The following POLR3B variants were observed in gnomAD, a reference collection of about 807,000 sequenced individuals.
The protein encoded by POLR3B is RNA polymerase III subunit B.
In POLR3B, 96 loss-of-function variants were observed where a neutral mutation model predicts 147.4. The ratio of observed to expected loss-of-function variants is 0.65; its 90% confidence interval spans 0.55 to 0.77. The LOEUF is 0.77. Among genes scored for constraint, POLR3B ranks in the 30% least tolerant of loss-of-function variants. The probability of loss-of-function intolerance (pLI) is 0.00; values close to 1 mark genes in which losing one functional copy is unlikely to be tolerated. For missense variants in POLR3B, 1,036 were observed against 1,413.5 expected (o/e 0.73, Z 4.28); for synonymous variants, 461 against 485.9 (o/e 0.95, Z 0.67).
intron 11 of POLR3B, among the ~76,000 whole-genome samples, 175 bp downstream of exon 11, chr12:106,406,151 G>A (rs544676989): frequency 1.1e-4 from 17 of 152,218 alleles, no homozygotes; most frequent in African/African-American, 3.6e-4. Context: ...GTTTATACTC[G>A]GAGAATGTTA....
At chr12:106,500,162 A>C in intron 25 of POLR3B, 1 of 456,078 alleles carries the variant, frequency 2.2e-6, no homozygotes, top group Non-Finnish European at 4.4e-6. Flanking sequence ...ATTAAGTAGC[A>C]CATGGTAGTT....
chr12:106,504,039 T>A lies in POLR3B; in HGVS notation c.3099-42T>A. On this transcript the variant is annotated intron_variant, in intron 26 of 27. Coordinates refer to ENST00000228347, the MANE Select transcript of POLR3B (RefSeq NM_018082.6). This position sits in a 1 kb window ranked among gnomAD's most constrained non-coding sequence, Gnocchi z 4.6. ...ATGTGATGCTACCTCTTTGTTTGTT[T>A]AACAGAATAATAACACATTTGTCTA... The A allele has an allele frequency of 3.1e-6, 5 of 1,587,614 alleles. No individual in the cohort carries two copies. Among genetic ancestry groups the A allele is most frequent in the Non-Finnish European group, 4.3e-6 (5 of 1,155,816 alleles).
intron 4 of POLR3B, among the ~76,000 whole-genome samples, chr12:106,368,036 A>C: frequency 6.6e-6 from 1 of 151,974 alleles, no homozygotes; most frequent in East Asian, 1.9e-4. Context: ...TGGATGTTTT[A>C]TTTTATTCTA....
At chr12:106,437,009 AT>A (rs2037585638) in intron 16 of POLR3B, 47 bp from the exon 17 acceptor site, 4 of 1,454,882 alleles carry the variant, frequency 2.7e-6, no homozygotes, top group East Asian at 2.3e-5. Flanking sequence ...TGCCTGTGTA[AT>A]TTTTCCCTGG....
intron 16 of POLR3B, among the ~76,000 whole-genome samples, chr12:106,435,132 A>AT (rs71072676): frequency 0.01 from 1,501 of 145,276 alleles, 22 homozygotes; most frequent in African/African-American, 0.031. Flanking sequence ...CCATTAAATT[A>AT]TTTTTTTTTT....
intron 2 of POLR3B, among the ~76,000 whole-genome samples, chr12:106,365,090 G>A (rs916197640): frequency 2.0e-5 from 3 of 152,088 alleles, no homozygotes; most frequent in Non-Finnish European, 2.9e-5. Context: ...AGCCGAGATC[G>A]CGCCACTGCA....
intron 4 of POLR3B, among the ~76,000 whole-genome samples, chr12:106,367,796 T>C (rs1053641665): frequency 1.3e-5 from 2 of 152,200 alleles, no homozygotes; most frequent in Non-Finnish European, 2.9e-5. Flanking sequence ...ATAAGTATCT[T>C]ATAGGGACAT....
chr12:106,362,363 A>G (rs546916031), intron 1 of POLR3B, among the ~76,000 whole-genome samples: 30 of 152,310 alleles, frequency 2.0e-4, no homozygotes, highest in African/African-American at 6.7e-4. Context: ...GGGCTGCCGT[A>G]ACAAAGTAAC....
At chr12:106,422,281 C>T (rs1329330292) in intron 12 of POLR3B, among the ~76,000 whole-genome samples, 1 of 152,114 alleles carries the variant, frequency 6.6e-6, no homozygotes, top group Non-Finnish European at 1.5e-5. Flanking sequence ...GTCCCCTTCT[C>T]CCTCTTCTTC....
chr12:106,403,159 C>A (rs574236515), intron 10 of POLR3B, among the ~76,000 whole-genome samples: 261 of 151,356 alleles, frequency 1.7e-3, no homozygotes, highest in Admixed American at 5.8e-3. Context: ...GGATATGAAC[C>A]GACACTTCTC....
intron 12 of POLR3B, among the ~76,000 whole-genome samples, chr12:106,412,802 G>C (rs2037245951): frequency 6.6e-6 from 1 of 152,152 alleles, no homozygotes; most frequent in African/African-American, 2.4e-5. Context: ...AGTCTAACAA[G>C]GCAATGTTCT....
At chr12:106,394,979 G>A (rs1200411369) in intron 10 of POLR3B, among the ~76,000 whole-genome samples, 2 of 152,204 alleles carry the variant, frequency 1.3e-5, no homozygotes, top group Non-Finnish European at 2.9e-5. Flanking sequence ...TGAAGATGTA[G>A]TAAGTACACT....
intron 4 of POLR3B, among the ~76,000 whole-genome samples, chr12:106,368,247 A>C (rs1267248006): frequency 6.6e-6 from 1 of 151,660 alleles, no homozygotes; most frequent in Non-Finnish European, 1.5e-5. Flanking sequence ...TGGGAATCCA[A>C]GGAGCCCTAG....
intron 10 of POLR3B, among the ~76,000 whole-genome samples, chr12:106,395,450 A>C (rs1379321197): frequency 1.3e-5 from 2 of 151,992 alleles, no homozygotes; most frequent in African/African-American, 4.8e-5. Context: ...AAACAACCAG[A>C]TTGGGAAAAC....
At chr12:106,413,275 G>C (rs920218996) in intron 12 of POLR3B, among the ~76,000 whole-genome samples, 2 of 152,056 alleles carry the variant, frequency 1.3e-5, no homozygotes, top group Non-Finnish European at 2.9e-5. Flanking sequence ...TTAAGTTTAG[G>C]CCTTTAGAGT....
In POLR3B at chr12:106,419,794, CTTT is replaced by C. The variant is rs56756383; in HGVS notation, c.1102-7384_1102-7382del. On this transcript the variant is annotated intron_variant, in intron 12 of 27. Coordinates refer to ENST00000228347, the MANE Select transcript of POLR3B (RefSeq NM_018082.6). ...ATAGTGAGCCAGATATTTAGTTTTG[CTTT>C]TTTTTTTTTTTTTTTTTTAATGAAC... 2.3e-3 allele frequency among the ~76,000 whole-genome samples: 202 copies of C among 88,948 alleles called. 1 individual carries two copies. Among genetic ancestry groups the C allele is most frequent in the African/African-American group, 6.9e-3 (165 of 24,000 alleles). The allele number at this position is 88,948 out of a possible 152,430, so 58.4% of individuals were successfully genotyped here. A position where few individuals can be genotyped will look rare whatever the true frequency, so the allele number is the denominator to read the frequency against.
At chr12:106,404,341 C>T (rs917796760) in intron 10 of POLR3B, among the ~76,000 whole-genome samples, 17 of 152,184 alleles carry the variant, frequency 1.1e-4, no homozygotes, top group African/African-American at 3.1e-4. Flanking sequence ...GATCTGCCCG[C>T]CTCGGCCTCC....
intron 10 of POLR3B, among the ~76,000 whole-genome samples, chr12:106,404,387 C>A (rs947998215): frequency 6.6e-6 from 1 of 152,198 alleles, no homozygotes; most frequent in Non-Finnish European, 1.5e-5. Context: ...GCCACCACAC[C>A]CAGCCTGATA....
At chr12:106,467,970 A>G (rs2038030255) in intron 23 of POLR3B, among the ~76,000 whole-genome samples, 1 of 152,222 alleles carries the variant, frequency 6.6e-6, no homozygotes, top group Non-Finnish European at 1.5e-5. Context: ...GCCTCATAAA[A>G]TGAGTTAGGG....
Sources: allele counts gnomAD v4.1 joint callset (sites outside exome capture counted in the v4.1 genomes callset), GRCh38; gene constraint gnomAD v4.1.1; non-coding constraint Gnocchi (gnomAD v3.1); transcripts MANE v1.5; gene names NCBI Gene and HGNC (gene_info 2026-07-23, HGNC 2026-07-21).